The following RSBN1 variants were observed in gnomAD, a reference collection of about 807,000 sequenced individuals.
The protein encoded by RSBN1 is round spermatid basic protein 1, also known as lysine-specific demethylase 9.
In RSBN1, 23 loss-of-function variants were observed where a neutral mutation model predicts 74.8. That is an observed-to-expected ratio of 0.31 (90% CI 0.22 to 0.44). The LOEUF is 0.44. RSBN1 is among the 20% of genes least tolerant of loss of function. The probability of loss-of-function intolerance (pLI) is 1.00; values close to 1 mark genes in which losing one functional copy is unlikely to be tolerated. For missense variants in RSBN1, 808 were observed against 1,020.9 expected (o/e 0.79, Z 2.84); for synonymous variants, 407 against 379.6 (o/e 1.07, Z -0.84).
intron 2 of RSBN1, among the ~76,000 whole-genome samples, chr1:113,789,621 G>C (rs931836545): frequency 3.9e-5 from 6 of 152,112 alleles, no homozygotes; most frequent in Admixed American, 1.3e-4. Flanking sequence ...GGCCAGTCCT[G>C]GGGACTGAGC....
At chr1:113,773,579 A>G (rs1659921982) in intron 4 of RSBN1, among the ~76,000 whole-genome samples, 1 of 152,228 alleles carries the variant, frequency 6.6e-6, no homozygotes, top group Non-Finnish European at 1.5e-5. Context: ...AGATCAATAT[A>G]GTTTAAAATG....
intron 1 of RSBN1, among the ~76,000 whole-genome samples, chr1:113,804,196 A>C (rs1660650599): frequency 6.6e-6 from 1 of 152,210 alleles, no homozygotes; most frequent in African/African-American, 2.4e-5. Flanking sequence ...AATGACTATA[A>C]GGCCCTCATC....
chr1:113,772,571 G>C (rs193019044), intron 4 of RSBN1, among the ~76,000 whole-genome samples: 1 of 152,162 alleles, frequency 6.6e-6, no homozygotes, highest in Admixed American at 6.5e-5. Context: ...TTTAACTCTA[G>C]AGTTCATAAA....
At position 113,812,115 on chromosome 1, in the gene RSBN1, G is replaced by A. The variant is rs755050593; in HGVS notation, c.298C>T (p.Arg100Trp). Residue 100 changes from arginine to tryptophan, a missense_variant, in exon 1 of 7, where the codon CGG becomes TGG. By Grantham distance (101) the Arg-to-Trp change is moderately radical. This residue lies in a region of RSBN1 where 464 missense variants were observed against 401.0 expected (regional missense o/e 1.16). Coordinates refer to ENST00000261441, the MANE Select transcript of RSBN1 (RefSeq NM_018364.5). ...GGGGGCTCCTGGCTCGGCCGCCCCC[G>A]CTTCTCCTGAGACCCCCCACTGCTA... Reference protein sequence around the residue: ...RSSSGGSQEKRGRPSQEPPLA... With the variant: ...RSSSGGSQEKWGRPSQEPPLA... 6.2e-7 allele frequency: 1 copy of A among 1,601,488 alleles called. No homozygotes were observed. The highest frequency in any genetic ancestry group is 8.5e-7 in the Non-Finnish European group (1 of 1,174,648).
intron 2 of RSBN1, among the ~76,000 whole-genome samples, chr1:113,787,372 G>A (rs937826476): frequency 6.6e-6 from 1 of 152,188 alleles, no homozygotes; most frequent in Non-Finnish European, 1.5e-5. Context: ...CTATCAAAAT[G>A]TTTTTGGAAG....
At position 113,763,265 on chromosome 1, in the gene RSBN1, A is replaced by G. The variant is rs530290545; in HGVS notation, c.*2715T>C. ...CTTTCCATAAGCACATTTAAAAACCATCCCTCTGCTCCACAAAATATTAAA... is the reference window on the plus strand; with the variant it reads ...CTTTCCATAAGCACATTTAAAAACCGTCCCTCTGCTCCACAAAATATTAAA... On this transcript the variant is annotated 3_prime_UTR_variant, in exon 7 of 7. Coordinates refer to ENST00000261441, the MANE Select transcript of RSBN1 (RefSeq NM_018364.5). 1 of 152,890 alleles carries G rather than the reference A, an allele frequency of 6.5e-6. No individual in the cohort carries two copies. Among genetic ancestry groups the G allele is most frequent in the East Asian group, 1.9e-4 (1 of 5,322 alleles). The allele number at this position is 152,890 out of a possible 1,614,324, so 9.5% of individuals were successfully genotyped here. A position where few individuals can be genotyped will look rare whatever the true frequency, so the allele number is the denominator to read the frequency against.
chr1:113,772,139 T>C (rs1389238772), intron 4 of RSBN1, among the ~76,000 whole-genome samples: 1 of 152,096 alleles, frequency 6.6e-6, no homozygotes, highest in Non-Finnish European at 1.5e-5. Context: ...AATCCACTTA[T>C]TGACAAGGCA....
intron 4 of RSBN1, among the ~76,000 whole-genome samples, chr1:113,769,082 A>G (rs993896031): frequency 9.9e-5 from 15 of 152,156 alleles, no homozygotes; most frequent in Admixed American, 2.0e-4. Flanking sequence ...CCCCCACAGA[A>G]AAACCTAATC....
At chr1:113,799,588 AC>A (rs1660539869) in intron 1 of RSBN1, among the ~76,000 whole-genome samples, 1 of 151,482 alleles carries the variant, frequency 6.6e-6, no homozygotes, top group Non-Finnish European at 1.5e-5. Context: ...ACACACACAC[AC>A]ACACACACAC....
chr1:113,806,664 T>A (rs2101827834), intron 1 of RSBN1, among the ~76,000 whole-genome samples: 1 of 150,702 alleles, frequency 6.6e-6, no homozygotes, highest in African/African-American at 2.4e-5. Flanking sequence ...AAATTGGATA[T>A]CAACAAAATT....
At position 113,765,959 on chromosome 1, in the gene RSBN1, A is replaced by G. The variant is rs535539636; in HGVS notation, c.*21T>C. The G allele has an allele frequency of 9.0e-6, 14 of 1,556,936 alleles. No individual in the cohort carries two copies. The East Asian group carries it at 2.3e-4, about 25-fold the overall frequency. On this transcript the variant is annotated 3_prime_UTR_variant, in exon 7 of 7. Transcript: ENST00000261441. ...CATCAAAATTTAAAAAAGTTAAAAA[A>G]TGTGTTTGAATATGTACATATCACA... is the stretch of plus-strand genomic sequence containing the variant.
chr1:113,785,408 G>A (rs903898081), intron 2 of RSBN1, among the ~76,000 whole-genome samples: 2 of 152,206 alleles, frequency 1.3e-5, no homozygotes, highest in African/African-American at 4.8e-5. Context: ...AATGATAAAA[G>A]GTATAGTAAA....
Position 113,777,759 on chromosome 1 carries a change from T to G in RSBN1, c.1427A>C (p.Gln476Pro). 6.2e-7 allele frequency: 1 copy of G among 1,610,694 alleles called. No individual in the cohort carries two copies. Among genetic ancestry groups the G allele is most frequent in the Non-Finnish European group, 8.5e-7 (1 of 1,177,680 alleles). The change falls in exon 3 of 7, where the codon CAG becomes CCG. Residue 476 changes from glutamine to proline, a missense_variant. Transcript: ENST00000261441. ...CGTYRAGPMR[Q>P]ISLVGAVDEE... Reference sequence around the variant, plus strand: ...ATCTACTGCTCCAACGAGACTTATCTGCCGCATAGGACCTGCTCGGTAGGT... The same window carrying G: ...ATCTACTGCTCCAACGAGACTTATCGGCCGCATAGGACCTGCTCGGTAGGT...
intron 4 of RSBN1, among the ~76,000 whole-genome samples, chr1:113,771,302 T>A (rs1458141179): frequency 6.6e-6 from 1 of 152,040 alleles, no homozygotes; most frequent in East Asian, 1.9e-4. Context: ...GAAAAAGAAA[T>A]TTTCAGACAT....
chr1:113,789,375 G>C (rs1240113585), intron 2 of RSBN1, among the ~76,000 whole-genome samples: 1 of 152,172 alleles, frequency 6.6e-6, no homozygotes, highest in Non-Finnish European at 1.5e-5. Context: ...GGGGAAAGAA[G>C]CTCCTGTGCT....
intron 2 of RSBN1, among the ~76,000 whole-genome samples, chr1:113,787,235 A>T (rs141324760): frequency 2.0e-3 from 303 of 152,328 alleles, no homozygotes; most frequent in Non-Finnish European, 3.7e-3. Context: ...CTGCTGTTTA[A>T]ACATGGTAGA....
chr1:113,766,762 T>C (rs1211530944), intron 6 of RSBN1, among the ~76,000 whole-genome samples: 1 of 151,982 alleles, frequency 6.6e-6, no homozygotes. Flanking sequence ...GGCAACATGT[T>C]TTCTTTTCTT....
chr1:113,776,218 A>G (rs934547846), intron 4 of RSBN1, among the ~76,000 whole-genome samples: 12 of 152,248 alleles, frequency 7.9e-5, no homozygotes, highest in Non-Finnish European at 1.8e-4. Flanking sequence ...TGTCATGAGG[A>G]CAAAGATGAA....
intron 4 of RSBN1, among the ~76,000 whole-genome samples, chr1:113,772,364 T>C (rs1659900600): frequency 6.6e-6 from 1 of 151,952 alleles, no homozygotes. Context: ...TATATGCAAC[T>C]ATTATATACA....
Sources: allele counts gnomAD v4.1 joint callset (sites outside exome capture counted in the v4.1 genomes callset), GRCh38; gene constraint gnomAD v4.1.1; regional missense constraint gnomAD v4.1.1; transcripts MANE v1.5; gene names NCBI Gene and HGNC (gene_info 2026-07-23, HGNC 2026-07-21).